SPRED1: variants seen among roughly 807,000 people sequenced by gnomAD.
SPRED1 encodes sprouty related EVH1 domain containing 1, also known as sprouty-related, EVH1 domain-containing protein 1.
SPRED1 carries 18 observed loss-of-function variants against 52.3 expected under a neutral mutation model. That is an observed-to-expected ratio of 0.34 (90% confidence interval 0.24 to 0.51). The LOEUF (loss-of-function observed/expected upper bound fraction) is 0.51, where lower values mean the gene tolerates loss of function less well. Ranked by LOEUF, SPRED1 falls within the 20% of genes least tolerant of loss-of-function variation. The pLI, the probability that SPRED1 is intolerant of heterozygous loss-of-function variation, is 0.97. For missense variants in SPRED1, 485 were observed against 551.0 expected (o/e 0.88, Z 1.20); for synonymous variants, 155 against 179.7 (o/e 0.86, Z 1.10).
intron 1 of SPRED1, among the ~76,000 whole-genome samples, chr15:38,269,796 T>C (rs1002266559): frequency 1.4e-4 from 22 of 152,184 alleles, no homozygotes; most frequent in Non-Finnish European, 8.8e-5. Context: ...TTGAAGTGGT[T>C]TGAGTGACTG....
At chr15:38,285,272 A>G (rs890436574) in intron 1 of SPRED1, among the ~76,000 whole-genome samples, 1 of 152,214 alleles carries the variant, frequency 6.6e-6, no homozygotes, top group Admixed American at 6.5e-5. Context: ...AGAACAAAAC[A>G]AAGATCTTTG....
chr15:38,278,850 T>C (rs1350449000), intron 1 of SPRED1, among the ~76,000 whole-genome samples: 1 of 108,998 alleles, frequency 9.2e-6, no homozygotes, highest in Non-Finnish European at 2.1e-5. Context: ...TTTTGTGAAA[T>C]GAAGTCTCAC....
intron 1 of SPRED1, among the ~76,000 whole-genome samples, 195 bp downstream of exon 1, chr15:38,253,412 T>G (rs1403929153): frequency 1.3e-5 from 2 of 152,042 alleles, no homozygotes; most frequent in African/African-American, 4.8e-5. Context: ...TTTAGCTGCT[T>G]TCTTTTGGGG....
At chr15:38,303,974 G>A (rs1436375519) in intron 2 of SPRED1, among the ~76,000 whole-genome samples, 2 of 152,176 alleles carry the variant, frequency 1.3e-5, no homozygotes, top group African/African-American at 4.8e-5. Flanking sequence ...TGATTAATAA[G>A]TAATTAGGTT....
chr15:38,331,145 C>T (rs924336772), intron 4 of SPRED1, among the ~76,000 whole-genome samples: 1 of 150,586 alleles, frequency 6.6e-6, no homozygotes, highest in African/African-American at 2.4e-5. Context: ...ACACCAGCAG[C>T]TGAGAGTAAA....
At chr15:38,309,901 T>C (rs1895326237) in intron 2 of SPRED1, among the ~76,000 whole-genome samples, 2 of 152,128 alleles carry the variant, frequency 1.3e-5, no homozygotes, top group Admixed American at 1.3e-4. Context: ...CAGGTAAGCA[T>C]ATTTGTGTTC....
At chr15:38,256,334 A>G (rs932330448) in intron 1 of SPRED1, among the ~76,000 whole-genome samples, 6 of 152,136 alleles carry the variant, frequency 3.9e-5, no homozygotes, top group African/African-American at 1.4e-4. Flanking sequence ...CGATAGATAT[A>G]ACTGTACCAT....
intron 1 of SPRED1, among the ~76,000 whole-genome samples, chr15:38,253,444 A>G (rs1180595426): frequency 6.6e-6 from 1 of 151,912 alleles, no homozygotes; most frequent in Non-Finnish European, 1.5e-5. Context: ...GTGTTGGGAG[A>G]GGATGGCAAT....
At chr15:38,343,954 TGG>T (rs1264394892) in intron 5 of SPRED1, among the ~76,000 whole-genome samples, 2 of 152,092 alleles carry the variant, frequency 1.3e-5, no homozygotes, top group Non-Finnish European at 1.5e-5. Flanking sequence ...ATTAAGATAT[TGG>T]TACAAGAAGG....
chr15:38,293,249 G>T (rs1486186753), intron 1 of SPRED1, among the ~76,000 whole-genome samples: 1 of 151,748 alleles, frequency 6.6e-6, no homozygotes, highest in Non-Finnish European at 1.5e-5. Context: ...ACAGGCACAC[G>T]CCACTACGCC....
intron 2 of SPRED1, among the ~76,000 whole-genome samples, chr15:38,307,604 T>C (rs1895275475): frequency 6.6e-6 from 1 of 152,200 alleles, no homozygotes; most frequent in Non-Finnish European, 1.5e-5. Context: ...CTTTAACATA[T>C]GAATTTGAGG....
chr15:38,329,322 T>G (rs1421982885), intron 4 of SPRED1, among the ~76,000 whole-genome samples: 1 of 152,200 alleles, frequency 6.6e-6, no homozygotes, highest in Non-Finnish European at 1.5e-5. Flanking sequence ...AAGTAAGTAA[T>G]GTCATTTCTG....
At chr15:38,286,355 A>G (rs1894810105) in intron 1 of SPRED1, among the ~76,000 whole-genome samples, 1 of 151,790 alleles carries the variant, frequency 6.6e-6, no homozygotes, top group African/African-American at 2.4e-5. Flanking sequence ...TTTCTAAATC[A>G]TTGGTAAATA....
In SPRED1 at chr15:38,352,241, G is replaced by GAT. The variant is rs147547509; in HGVS notation, c.*594_*595dup. 1,633 of 148,688 alleles carry GAT rather than the reference G, an allele frequency of 0.011. 17 individuals carry two copies. The highest frequency in any genetic ancestry group is 0.021 in the Middle Eastern group (6 of 280). The allele number at this position is 148,688 out of a possible 1,614,324, so 9.2% of individuals were successfully genotyped here. On this transcript the variant is annotated 3_prime_UTR_variant, in exon 7 of 7. Coordinates refer to ENST00000299084, the MANE Select transcript of SPRED1 (RefSeq NM_152594.3). ...TCTTCCCCTTCCTAGTTCTGAAGTA[G>GAT]ATATATATATATATATATCTACTGT... is the stretch of plus-strand genomic sequence containing the variant.
chr15:38,294,952 G>A (rs1895002257), intron 1 of SPRED1, among the ~76,000 whole-genome samples: 1 of 152,098 alleles, frequency 6.6e-6, no homozygotes, highest in African/African-American at 2.4e-5. Context: ...ATTAATCTTT[G>A]GTGTAAAGGG....
chr15:38,337,127 G>C (rs1006691358), intron 4 of SPRED1, among the ~76,000 whole-genome samples: 2 of 152,060 alleles, frequency 1.3e-5, no homozygotes, highest in Non-Finnish European at 2.9e-5. Context: ...TTGCTTTCCA[G>C]AAAGAGTTGT....
At chr15:38,310,145 G>GTA (rs1895334003) in intron 2 of SPRED1, among the ~76,000 whole-genome samples, 3 of 136,836 alleles carry the variant, frequency 2.2e-5, no homozygotes, top group Admixed American at 1.6e-4. Flanking sequence ...GTGTGTGTGT[G>GTA]TGTGTGTGTT....
intron 1 of SPRED1, among the ~76,000 whole-genome samples, chr15:38,285,046 A>AT (rs1421766371): frequency 2.6e-5 from 4 of 151,392 alleles, no homozygotes; most frequent in Admixed American, 6.6e-5. Flanking sequence ...TACTAGATCT[A>AT]TTTTTTTTAA....
At chr15:38,255,598 G>A (rs1894078299) in intron 1 of SPRED1, among the ~76,000 whole-genome samples, 1 of 152,092 alleles carries the variant, frequency 6.6e-6, no homozygotes, top group South Asian at 2.1e-4. Flanking sequence ...ACCACAGAGT[G>A]AACTTATTTG....
Sources: gnomAD v4.1 joint callset for allele counts (sites outside exome capture counted in the v4.1 genomes callset) on GRCh38, gnomAD v4.1.1 for gene constraint, MANE v1.5 for transcripts, NCBI Gene and HGNC (gene_info 2026-07-23, HGNC 2026-07-21) for gene names.